Variants in TSPAN15 observed in about 807,000 individuals in gnomAD.
TSPAN15 encodes the protein tetraspanin 15.
A neutral mutation model predicts 34.5 loss-of-function variants in TSPAN15; 20 were observed. The ratio of observed to expected loss-of-function variants is 0.58; its 90% CI spans 0.41 to 0.84. The LOEUF is 0.84. TSPAN15 is among the 40% of genes least tolerant of loss of function. The pLI is 0.00. For missense variants in TSPAN15, 313 were observed against 386.1 expected (o/e 0.81, Z 1.59); for synonymous variants, 155 against 153.9 (o/e 1.01, Z -0.05).
rs891018727 is a variant in TSPAN15, at chr10:69,455,630, C to CGCT, written c.96+3940_96+3941insGCT. Among the ~76,000 whole-genome samples the CGCT allele has an allele frequency of 3.3e-3, 378 of 114,904 alleles. 18 individuals are homozygous for CGCT. Among genetic ancestry groups the CGCT allele is most frequent in the African/African-American group, 0.012 (366 of 31,358 alleles). 75.4% of individuals were successfully genotyped at this position (114,904 alleles called of 152,430 possible). ...TTTCTCTCTCTCTCTCTCTCTCCCC[C>CGCT]CCCCGTCTCTTTCTTTCTTCCTTTC... On this transcript the variant is annotated intron_variant, in intron 1 of 7. Coordinates refer to ENST00000373290, the MANE Select transcript of TSPAN15 (RefSeq NM_012339.5).
chr10:69,465,977 C>CA (rs550542038), intron 1 of TSPAN15, among the ~76,000 whole-genome samples: 69 of 152,288 alleles, frequency 4.5e-4, no homozygotes, highest in African/African-American at 1.6e-3. Context: ...ACCAGCTTCC[C>CA]AGGGCAGGGG....
At chr10:69,540,758 G>A in the TSPAN15 span, among the ~76,000 whole-genome samples, 1 of 152,142 alleles carries the variant, frequency 6.6e-6, no homozygotes, top group South Asian at 2.1e-4. Context: ...TGGGCATGTG[G>A]TTAGAGATGT....
At chr10:69,468,674 GGCT>G (rs1841440605) in intron 1 of TSPAN15, among the ~76,000 whole-genome samples, 2 of 151,820 alleles carry the variant, frequency 1.3e-5, no homozygotes, top group South Asian at 4.2e-4. Context: ...GCTACAAGGA[GGCT>G]GCAGTCGTTG....
intron 1 of TSPAN15, among the ~76,000 whole-genome samples, chr10:69,465,307 G>A (rs1037636419): frequency 5.9e-5 from 9 of 152,188 alleles, no homozygotes; most frequent in African/African-American, 1.7e-4. Flanking sequence ...GGCAGGAGTT[G>A]TTCAGGGACC....
chr10:69,473,722 A>T (rs1841554441), intron 1 of TSPAN15, among the ~76,000 whole-genome samples: 1 of 152,134 alleles, frequency 6.6e-6, no homozygotes, highest in African/African-American at 2.4e-5. Context: ...CCATGTGGCC[A>T]GCCGCCCAGT....
chr10:69,475,310 A>G (rs1268991636), intron 1 of TSPAN15, among the ~76,000 whole-genome samples: 1 of 151,942 alleles, frequency 6.6e-6, no homozygotes, highest in Non-Finnish European at 1.5e-5. Context: ...GCCATAAACC[A>G]TTTCTCAGAT....
At chr10:69,548,998 A>T in the TSPAN15 span, among the ~76,000 whole-genome samples, 1 of 107,482 alleles carries the variant, frequency 9.3e-6, no homozygotes, top group Admixed American at 9.5e-5. Flanking sequence ...CTTTAAAAAG[A>T]TTATAGTTGT....
At chr10:69,531,952 A>AC in the TSPAN15 span, among the ~76,000 whole-genome samples, 12,992 of 100,716 alleles carry the variant, frequency 0.13, 975 homozygotes, top group East Asian at 0.56. Context: ...AAAAAAAAAC[A>AC]AAAAAAAAAC....
chr10:69,467,654 AC>A, intron 1 of TSPAN15, among the ~76,000 whole-genome samples: 1 of 151,654 alleles, frequency 6.6e-6, no homozygotes, highest in Non-Finnish European at 1.5e-5. Context: ...ACACACACAC[AC>A]ACACACACAC....
chr10:69,532,055 A>T, the TSPAN15 span, among the ~76,000 whole-genome samples: 1 of 152,224 alleles, frequency 6.6e-6, no homozygotes, highest in East Asian at 1.9e-4. Context: ...ACAGATGGAA[A>T]CACATCCCAT....
At chr10:69,532,215 T>A in the TSPAN15 span, among the ~76,000 whole-genome samples, 1 of 152,144 alleles carries the variant, frequency 6.6e-6, no homozygotes, top group South Asian at 2.1e-4. Flanking sequence ...AGAGCCCACA[T>A]AGCCAAAGCA....
chr10:69,467,272 A>G (rs1181895679), intron 1 of TSPAN15, among the ~76,000 whole-genome samples: 1 of 152,098 alleles, frequency 6.6e-6, no homozygotes, highest in African/African-American at 2.4e-5. Flanking sequence ...TACAGCCTGT[A>G]TTTAGCTCCA....
intron 4 of TSPAN15, among the ~76,000 whole-genome samples, chr10:69,496,200 A>G (rs926503737): frequency 2.6e-5 from 4 of 151,998 alleles, no homozygotes; most frequent in Non-Finnish European, 4.4e-5. Flanking sequence ...TTTCCCCCAA[A>G]TATGGGACAG....
chr10:69,536,792 C>T, the TSPAN15 span, among the ~76,000 whole-genome samples: 1 of 152,060 alleles, frequency 6.6e-6, no homozygotes, highest in East Asian at 1.9e-4. Flanking sequence ...TGAGACCAGC[C>T]TGACCAACAC....
At chr10:69,476,534 A>T (rs1841616977) in intron 1 of TSPAN15, among the ~76,000 whole-genome samples, 1 of 150,400 alleles carries the variant, frequency 6.6e-6, no homozygotes, top group Admixed American at 6.7e-5. Context: ...TTCAGCCTGG[A>T]TGACAGAGTG....
At chr10:69,546,366 G>C in the TSPAN15 span, among the ~76,000 whole-genome samples, 6 of 152,182 alleles carry the variant, frequency 3.9e-5, no homozygotes, top group Non-Finnish European at 5.9e-5. Flanking sequence ...CTTCTCATCT[G>C]TAACCAGACT....
chr10:69,461,464 C>A (rs1841256105), intron 1 of TSPAN15, among the ~76,000 whole-genome samples: 1 of 152,168 alleles, frequency 6.6e-6, no homozygotes, highest in Admixed American at 6.5e-5. Flanking sequence ...GAGCAGGAAC[C>A]CCCTACTCCT....
At chr10:69,477,723 C>G (rs969800632) in intron 1 of TSPAN15, among the ~76,000 whole-genome samples, 5 of 152,198 alleles carry the variant, frequency 3.3e-5, no homozygotes, top group Admixed American at 2.6e-4. Context: ...GTTTCACACC[C>G]CTTTCCCCCC....
chr10:69,459,105 CAAAAAA>C (rs1259881929), intron 1 of TSPAN15, among the ~76,000 whole-genome samples: 5 of 57,734 alleles, frequency 8.7e-5, no homozygotes, highest in Non-Finnish European at 1.9e-4. Flanking sequence ...ACAAAACAGA[CAAAAAA>C]AAAAAAAAAA....
Sources: allele counts gnomAD v4.1 joint callset (sites outside exome capture counted in the v4.1 genomes callset), GRCh38; gene constraint gnomAD v4.1.1; transcripts MANE v1.5; gene names NCBI Gene and HGNC (gene_info 2026-07-23, HGNC 2026-07-21).